PDE10A: variants seen among roughly 807,000 people sequenced by gnomAD.
PDE10A encodes cAMP and cAMP-inhibited cGMP 3',5'-cyclic phosphodiesterase 10A.
A neutral mutation model predicts 97.7 loss-of-function variants in PDE10A; 39 were observed. That is an observed-to-expected ratio of 0.40 (90% CI 0.31 to 0.52). The LOEUF (loss-of-function observed/expected upper bound fraction) is 0.52. Among genes scored for constraint, PDE10A ranks in the 20% least tolerant of loss-of-function variants. PDE10A has a pLI of 0.56. For synonymous variants in PDE10A, 371 were observed against 376.8 expected, an observed-to-expected ratio of 0.98 and a Z score of 0.18; for missense variants, 731 against 1,047.8, an observed-to-expected ratio of 0.70 and a Z score of 4.17.
At chr6:165,334,281 A>C (rs537441492) in intron 21 of PDE10A, among the ~76,000 whole-genome samples, 1 of 150,902 alleles carries the variant, frequency 6.6e-6, no homozygotes, top group South Asian at 2.1e-4. Context: ...ATAGCGCCCT[A>C]CAGCGCCGGG....
intron 1 of PDE10A, among the ~76,000 whole-genome samples, chr6:165,832,245 G>A (rs1343613987): frequency 1.3e-5 from 2 of 151,908 alleles, no homozygotes; most frequent in African/African-American, 2.4e-5. Context: ...TCCTCGGTGG[G>A]AGACAGAAGT....
At chr6:165,531,401 T>G (rs1164672316) in intron 2 of PDE10A, among the ~76,000 whole-genome samples, 1 of 152,006 alleles carries the variant, frequency 6.6e-6, no homozygotes, top group Non-Finnish European at 1.5e-5. Context: ...TGTGCTTTTC[T>G]ATATTCCAGT....
chr6:165,910,319 G>A (rs576572584), intron 1 of PDE10A, among the ~76,000 whole-genome samples: 1 of 152,300 alleles, frequency 6.6e-6, no homozygotes, highest in South Asian at 2.1e-4. Flanking sequence ...AGCAGTGGCT[G>A]GGTCTGTTTA....
chr6:165,935,335 G>T (rs765038593), intron 1 of PDE10A, among the ~76,000 whole-genome samples: 2 of 152,196 alleles, frequency 1.3e-5, no homozygotes, highest in Non-Finnish European at 2.9e-5. Context: ...GATAATCAAA[G>T]AACTGGAAGT....
At chr6:165,953,750 T>C (rs957101322) in intron 1 of PDE10A, among the ~76,000 whole-genome samples, 1 of 152,162 alleles carries the variant, frequency 6.6e-6, no homozygotes, top group South Asian at 2.1e-4. Flanking sequence ...TACTGACACA[T>C]TGTTATTTAC....
chr6:165,699,534 A>G (rs1791518822), intron 1 of PDE10A, among the ~76,000 whole-genome samples: 1 of 152,218 alleles, frequency 6.6e-6, no homozygotes, highest in African/African-American at 2.4e-5. Context: ...CTAATAACAG[A>G]GTATACATCC....
intron 1 of PDE10A, among the ~76,000 whole-genome samples, chr6:165,621,776 A>AAG (rs1788150859): frequency 6.6e-6 from 1 of 151,462 alleles, no homozygotes; most frequent in African/African-American, 2.4e-5. Context: ...AAAAAAAAGA[A>AAG]GAAGAAGAAG....
intron 6 of PDE10A, among the ~76,000 whole-genome samples, chr6:165,434,015 T>C (rs1243574295): frequency 3.4e-5 from 1 of 29,724 alleles, no homozygotes; most frequent in Non-Finnish European, 5.2e-5. Flanking sequence ...AGACTCCGTC[T>C]CAAAAAAAAA....
rs369114881 is a variant in PDE10A at position 165,744,550 on chromosome 6, T to C, written c.-614-200982A>G. 1.1e-4 allele frequency among the ~76,000 whole-genome samples: 16 copies of C among 152,160 alleles called. No homozygotes were observed. The East Asian group carries it at 1.2e-3, about 11-fold the overall frequency. On this transcript the variant is annotated intron_variant, in intron 1 of 19. Coordinates refer to the PDE10A transcript ENST00000366882. ...AGCCCAGAGAACTAATACACATTTA[T>C]AAAAAGCCCAGAGAACTAATTTTTT...
At chr6:165,514,954 G>C (rs1180454684) in intron 2 of PDE10A, among the ~76,000 whole-genome samples, 1 of 152,078 alleles carries the variant, frequency 6.6e-6, no homozygotes, top group Non-Finnish European at 1.5e-5. Flanking sequence ...ATTTCCTGTT[G>C]TCTCCTCTTA....
At chr6:165,712,643 T>C in intron 1 of PDE10A, among the ~76,000 whole-genome samples, 1 of 139,554 alleles carries the variant, frequency 7.2e-6, no homozygotes, top group Non-Finnish European at 1.5e-5. Context: ...TTTTTTTTTT[T>C]TTTTTTTTTT....
chr6:165,851,592 T>G (rs1323361481), intron 1 of PDE10A, among the ~76,000 whole-genome samples: 2 of 152,202 alleles, frequency 1.3e-5, no homozygotes, highest in African/African-American at 4.8e-5. Context: ...GTAGGTCCTC[T>G]GAATAGATTA....
intron 1 of PDE10A, among the ~76,000 whole-genome samples, chr6:165,562,397 A>G (rs763622660): frequency 3.9e-5 from 6 of 152,250 alleles, no homozygotes; most frequent in Non-Finnish European, 8.8e-5. Flanking sequence ...CACTAGTATT[A>G]GCTCTTCTCA....
At position 165,535,510 on chromosome 6, in the gene PDE10A, T is replaced by C. The variant is rs910131993; in HGVS notation, c.994+7930A>G. Among the ~76,000 whole-genome samples, 3 of 152,064 alleles carry C rather than the reference T, an allele frequency of 2.0e-5. No homozygotes were observed. In the South Asian group the frequency reaches 6.2e-4, roughly 31 times the overall value. On this transcript the variant is annotated intron_variant, in intron 2 of 21. Transcript: ENST00000539869. The stretch of plus-strand genomic sequence containing the variant: ...CATTTCTGAGTTATTTCATTTAAGA[T>C]AATGGTTTCTAGTTCCATCCATGTT...
chr6:165,593,131 G>A (rs546185987), intron 1 of PDE10A, among the ~76,000 whole-genome samples: 1 of 152,292 alleles, frequency 6.6e-6, no homozygotes, highest in African/African-American at 2.4e-5. Flanking sequence ...AAAAAAGGGT[G>A]AGTTCATGTC....
chr6:165,702,781 C>A lies in PDE10A; in HGVS notation c.-614-159213G>T, dbSNP rs544593307. Among the ~76,000 whole-genome samples, 13 of 152,302 alleles carry A rather than the reference C, an allele frequency of 8.5e-5. No homozygotes were observed. In the South Asian group the frequency reaches 2.7e-3, roughly 32 times the overall value. ...CACCTCTTCCGAAGAAGGGATCCTGCAGTTCCCATGGTGCACTGCAAGGAC... is the reference window on the plus strand; with the variant it reads ...CACCTCTTCCGAAGAAGGGATCCTGAAGTTCCCATGGTGCACTGCAAGGAC... On this transcript the variant is annotated intron_variant, in intron 1 of 19. Coordinates refer to the PDE10A transcript ENST00000366882.
At chr6:165,413,269 T>C (rs1225320360) in intron 13 of PDE10A, among the ~76,000 whole-genome samples, 1 of 148,320 alleles carries the variant, frequency 6.7e-6, no homozygotes, top group Non-Finnish European at 1.5e-5. Flanking sequence ...TTCATTTTTC[T>C]TCTTAACAAA....
rs2280558 is a variant in PDE10A, at chr6:165,875,874, T to C, written c.-615+111655A>G. ...TTTGACTTTGGAGAAATTAATTGTT[T>C]ATGGGAAAATAGCTGTGAAGGTCAG... is the stretch of plus-strand genomic sequence containing the variant. On this transcript the variant is annotated intron_variant, in intron 1 of 19. Coordinates refer to the PDE10A transcript ENST00000366882. Among the ~76,000 whole-genome samples the C allele has an allele frequency of 0.029, 4,398 of 152,164 alleles. 369 individuals carry two copies. The East Asian group carries it at 0.33, about 11-fold the overall frequency.
chr6:165,342,233 CA>C (rs894613989), intron 19 of PDE10A, among the ~76,000 whole-genome samples: 1 of 151,892 alleles, frequency 6.6e-6, no homozygotes, highest in Non-Finnish European at 1.5e-5. Context: ...CATAGATCTC[CA>C]AAAAAATCTT....
Sources: allele counts gnomAD v4.1 joint callset (sites outside exome capture counted in the v4.1 genomes callset), GRCh38; gene constraint gnomAD v4.1.1; transcripts MANE v1.5; gene names NCBI Gene and HGNC (gene_info 2026-07-23, HGNC 2026-07-21).